PRR14L: variants seen among roughly 807,000 people sequenced by gnomAD.
PRR14L encodes protein PRR14L.
In PRR14L, 80 loss-of-function variants were observed where a neutral mutation model predicts 155.0. That is an observed-to-expected ratio of 0.52 (90% CI 0.43 to 0.62). The LOEUF is 0.62. Among genes scored for constraint, PRR14L ranks in the 20% least tolerant of loss-of-function variants. The pLI is 0.00. For missense variants in PRR14L, 2,469 were observed against 2,548.0 expected (o/e 0.97, Z 0.67); for synonymous variants, 883 against 916.0 (o/e 0.96, Z 0.65).
chr22:31,693,345 T>C (rs1222487785), intron 7 of PRR14L, among the ~76,000 whole-genome samples: 2 of 152,218 alleles, frequency 1.3e-5, no homozygotes, highest in Non-Finnish European at 2.9e-5. Flanking sequence ...ACGTAGTTTA[T>C]TCAGATTGGC....
chr22:31,706,119 G>T (rs999547269), intron 4 of PRR14L, among the ~76,000 whole-genome samples: 1 of 150,860 alleles, frequency 6.6e-6, no homozygotes, highest in African/African-American at 2.4e-5. Flanking sequence ...ATCACCTGAG[G>T]TGAGGAATTC....
chr22:31,703,759 C>G, intron 5 of PRR14L, 38 bp from the exon 6 acceptor site: 1 of 1,316,148 alleles, frequency 7.6e-7, no homozygotes, highest in Non-Finnish European at 1.0e-6. Context: ...GAGAGGGGTT[C>G]CCTTTCTACT....
chr22:31,690,251 G>A (rs1005817351), intron 7 of PRR14L, among the ~76,000 whole-genome samples: 15 of 150,320 alleles, frequency 1.0e-4, no homozygotes, highest in Non-Finnish European at 2.1e-4. Context: ...GTTTTATCAC[G>A]TTGGCCAAGA....
At chr22:31,719,122 G>A (rs1178814760) in intron 3 of PRR14L, among the ~76,000 whole-genome samples, 1 of 152,048 alleles carries the variant, frequency 6.6e-6, no homozygotes, top group Non-Finnish European at 1.5e-5. Flanking sequence ...TAATTCCTGA[G>A]TTTGATGCAG....
intron 3 of PRR14L, among the ~76,000 whole-genome samples, chr22:31,720,591 C>T (rs1372265739): frequency 2.0e-5 from 3 of 151,996 alleles, no homozygotes; most frequent in Non-Finnish European, 4.4e-5. Flanking sequence ...AAAAATCAGC[C>T]GTGCACGGTG....
intron 4 of PRR14L, among the ~76,000 whole-genome samples, chr22:31,710,949 A>C (rs563474275): frequency 6.6e-6 from 1 of 152,342 alleles, no homozygotes; most frequent in East Asian, 1.9e-4. Context: ...CAATTTTTGA[A>C]GCCTCTACAT....
intron 7 of PRR14L, among the ~76,000 whole-genome samples, chr22:31,691,176 A>G (rs1020137714): frequency 1.3e-5 from 2 of 149,682 alleles, no homozygotes; most frequent in African/African-American, 5.0e-5. Context: ...CATGTTGGCC[A>G]GACTGGTCTT....
chr22:31,727,702 C>T lies in PRR14L; in HGVS notation c.475-2092G>A, dbSNP rs1446178277. 2.0e-5 allele frequency among the ~76,000 whole-genome samples: 3 copies of T among 152,012 alleles called. No individual in the cohort carries two copies. In the East Asian group the frequency reaches 5.8e-4, roughly 29 times the overall value. On this transcript the variant is annotated intron_variant, in intron 2 of 8. Coordinates refer to ENST00000327423, the MANE Select transcript of PRR14L (RefSeq NM_173566.3). ...TAATCAGAAATTGAATGAATCAGGG[C>T]CGGGTGCAGTGGCTCACGCCTTTAA...
At chr22:31,742,883 C>T (rs1356993062) in intron 1 of PRR14L, among the ~76,000 whole-genome samples, 2 of 152,152 alleles carry the variant, frequency 1.3e-5, no homozygotes, top group South Asian at 2.1e-4. Context: ...TATTATTCAG[C>T]CATAAAAAGG....
rs1569498897 is a variant in PRR14L, at chr22:31,715,484, G to T, written c.2355C>A (p.Ile785=). ...IECHSVQSQD[I]SSCHRVRKNV... ...TTTTTCTTACACGATGACAGCTAGA[G>T]ATATCCTGAGATTGAACGCTGTGAC... The change falls in exon 4 of 9, where the codon ATC becomes ATA. Residue 785 remains isoleucine (I), a synonymous_variant. Transcript: ENST00000327423. 1.3e-6 allele frequency: 2 copies of T among 1,552,322 alleles called. No homozygotes were observed. The highest frequency in any genetic ancestry group is 2.7e-5 in the African/African-American group (2 of 73,184).
chr22:31,713,405 CT>C lies in PRR14L; in HGVS notation c.4433del (p.Lys1478ArgfsTer41). On this transcript the variant is annotated frameshift_variant, in exon 4 of 9. Coordinates refer to ENST00000327423, the MANE Select transcript of PRR14L (RefSeq NM_173566.3). LOFTEE classifies it high-confidence loss of function. Reference protein sequence around the residue: ...KEERLHHPLRKDTESCTSPCL... With the variant: ...KEERLHHPLRXDTESCTSPCL... ...AAGGACTTGTGCATGACTCAGTGTC[CT>C]TCCTTAATGGATGATGTAACCTTTC... The C allele has an allele frequency of 6.4e-7, 1 of 1,551,906 alleles. No individual in the cohort carries two copies.
At chr22:31,738,087 G>C (rs1039726951) in intron 2 of PRR14L, among the ~76,000 whole-genome samples, 5 of 151,666 alleles carry the variant, frequency 3.3e-5, no homozygotes, top group African/African-American at 7.3e-5. Flanking sequence ...TAAGGACTGA[G>C]TATATCTATA....
At chr22:31,694,335 G>T (rs145327605) in intron 7 of PRR14L, among the ~76,000 whole-genome samples, 1 of 152,106 alleles carries the variant, frequency 6.6e-6, no homozygotes, top group African/African-American at 2.4e-5. Context: ...CTCCCAAAGT[G>T]CTAGGATTAC....
At chr22:31,708,825 T>A (rs1682992922) in intron 4 of PRR14L, among the ~76,000 whole-genome samples, 1 of 152,098 alleles carries the variant, frequency 6.6e-6, no homozygotes, top group East Asian at 1.9e-4. Flanking sequence ...GGGATTTATT[T>A]TTTTATTTTT....
intron 1 of PRR14L, among the ~76,000 whole-genome samples, chr22:31,744,530 C>T (rs1384686931): frequency 6.6e-6 from 1 of 152,176 alleles, no homozygotes; most frequent in Non-Finnish European, 1.5e-5. Flanking sequence ...CCTCAGCCTC[C>T]CAAAAGTGCT....
intron 7 of PRR14L, among the ~76,000 whole-genome samples, chr22:31,698,675 C>T (rs1443295648): frequency 6.6e-6 from 1 of 151,990 alleles, no homozygotes; most frequent in Non-Finnish European, 1.5e-5. Context: ...AATCCCAGCA[C>T]TTTGGGAGGC....
rs753737669 is a variant in PRR14L, at chr22:31,683,463, T to C, written c.*2064A>G. The C allele has an allele frequency of 6.6e-6, 1 of 152,196 alleles. No individual in the cohort carries two copies. The highest frequency in any genetic ancestry group is 1.5e-5 in the Non-Finnish European group (1 of 68,084). The allele number at this position is 152,196 out of a possible 1,614,324, so 9.4% of individuals were successfully genotyped here. A position where few individuals can be genotyped will look rare whatever the true frequency, so the allele number is the denominator to read the frequency against. Reference sequence around the variant, plus strand: ...TAAGCAAAAAAGTCAGAGAGAAGCATTTAGTGTCTAAGAACCCTGTCCCAG... The same window carrying C: ...TAAGCAAAAAAGTCAGAGAGAAGCACTTAGTGTCTAAGAACCCTGTCCCAG... On this transcript the variant is annotated 3_prime_UTR_variant, in exon 9 of 9. Transcript: ENST00000327423.
intron 1 of PRR14L, among the ~76,000 whole-genome samples, chr22:31,742,931 G>A (rs2074820050): frequency 6.6e-6 from 1 of 152,156 alleles, no homozygotes; most frequent in Non-Finnish European, 1.5e-5. Flanking sequence ...AATGAACCTT[G>A]AAGACATTAT....
Position 31,717,083 on chromosome 22 carries a change from T to C in PRR14L, c.756A>G (p.Pro252=), listed in dbSNP as rs2074664405. Residue 252 remains proline, a synonymous_variant, in exon 4 of 9, where the codon CCA becomes CCG. Transcript: ENST00000327423. ...EVSETSTLVT[P]EPLTFVDPVL... ...CAGGGTCCACAAAGGTTAAAGGTTC[T>C]GGGGTAACTAATGTGCTGGTTTCTG... is the stretch of plus-strand genomic sequence containing the variant. The C allele has an allele frequency of 1.9e-6, 3 of 1,552,084 alleles. No individual in the cohort carries two copies. Among genetic ancestry groups the C allele is most frequent in the Non-Finnish European group, 2.6e-6 (3 of 1,147,054 alleles).
Sources: allele counts gnomAD v4.1 joint callset (sites outside exome capture counted in the v4.1 genomes callset), GRCh38; gene constraint gnomAD v4.1.1; transcripts MANE v1.5; gene names NCBI Gene and HGNC (gene_info 2026-07-23, HGNC 2026-07-21).